Variants in COX16 observed in about 807,000 individuals in gnomAD.
COX16 encodes cytochrome c oxidase assembly protein COX16 homolog, mitochondrial.
COX16 carries 12 observed loss-of-function variants against 15.4 expected under a neutral mutation model. The observed-to-expected ratio is 0.78, with a 90% CI of 0.50 to 1.26. COX16 has a LOEUF of 1.26. COX16 is among the 50% of genes most tolerant of loss of function. COX16 has a pLI of 0.00. For missense variants in COX16, 124 were observed against 127.6 expected (o/e 0.97, Z 0.14); for synonymous variants, 46 against 41.1 (o/e 1.12, Z -0.46).
chr14:70,351,336 TAATA>T (rs77012291), intron 1 of COX16, among the ~76,000 whole-genome samples: 11,366 of 152,204 alleles, frequency 0.075, 482 homozygotes, highest in Middle Eastern at 0.12. Flanking sequence ...AATATTTTAT[TAATA>T]AATACACACA....
At chr14:70,348,336 C>A (rs916398956) in intron 1 of COX16, among the ~76,000 whole-genome samples, 2 of 152,190 alleles carry the variant, frequency 1.3e-5, no homozygotes, top group Non-Finnish European at 2.9e-5. Context: ...TTCATAGAAA[C>A]CCCCCAAATC....
chr14:70,338,435 A>G (rs934095754), intron 2 of COX16, among the ~76,000 whole-genome samples: 9 of 152,008 alleles, frequency 5.9e-5, no homozygotes, highest in Admixed American at 1.3e-4. Context: ...TTGAAAGTCA[A>G]TTTTTTCTAA....
intron 1 of COX16, chr14:70,359,278 C>G (rs529470896): frequency 6.5e-6 from 4 of 614,626 alleles, no homozygotes; most frequent in South Asian, 6.1e-5. Flanking sequence ...GCCACGCTCA[C>G]AAGCAGACAG....
chr14:70,339,420 A>G (rs1045432090), intron 2 of COX16, among the ~76,000 whole-genome samples: 1 of 152,200 alleles, frequency 6.6e-6, no homozygotes, highest in Non-Finnish European at 1.5e-5. Flanking sequence ...CTGGGATGCC[A>G]AACTTTCAGT....
At chr14:70,328,097 T>TTTTTTTTTTTA (rs1886149105) in intron 3 of COX16, 1 of 116,036 alleles carries the variant, frequency 8.6e-6, no homozygotes, top group Non-Finnish European at 1.9e-5. Flanking sequence ...TTTTTTTTTT[T>TTTTTTTTTTTA]GAGACGGAGT....
In COX16 at chr14:70,352,075, T is replaced by G. The variant is rs116369944; in HGVS notation, c.69+7444A>C. Reference sequence around the variant, plus strand: ...AGTGTGGTAAATTTCATGTGATTTCTTTTTTCTTTTGAAAAACCTGGCAAT... The same window carrying G: ...AGTGTGGTAAATTTCATGTGATTTCGTTTTTCTTTTGAAAAACCTGGCAAT... On this transcript the variant is annotated intron_variant, in intron 1 of 3. Transcript: ENST00000389912. 9.0e-3 allele frequency among the ~76,000 whole-genome samples: 1,365 copies of G among 152,334 alleles called. 32 individuals are homozygous for G. The highest frequency in any genetic ancestry group is 0.031 in the African/African-American group (1,301 of 41,578).
chr14:70,352,898 T>C (rs771853121), intron 1 of COX16, among the ~76,000 whole-genome samples: 1 of 152,026 alleles, frequency 6.6e-6, no homozygotes, highest in African/African-American at 2.4e-5. Flanking sequence ...AAAAAAGAAA[T>C]CTCATGAAAT....
intron 2 of COX16, among the ~76,000 whole-genome samples, chr14:70,331,415 GAAA>G (rs200798970): frequency 6.6e-6 from 1 of 151,514 alleles, no homozygotes; most frequent in Non-Finnish European, 1.5e-5. Context: ...AAAATAGTAG[GAAA>G]AAAACCCAAT....
chr14:70,353,790 G>A (rs960998228), intron 1 of COX16, among the ~76,000 whole-genome samples: 5 of 152,046 alleles, frequency 3.3e-5, no homozygotes, highest in African/African-American at 1.2e-4. Context: ...TGGGATTACA[G>A]GCGTGAGCCA....
In COX16 at chr14:70,351,721, G is replaced by C. The variant is rs369775820; in HGVS notation, c.69+7798C>G. Reference sequence around the variant, plus strand: ...TATATGGTATTCCATTATAAAAACAGAACACAGTTTATTTACTCATTCTCT... The same window carrying C: ...TATATGGTATTCCATTATAAAAACACAACACAGTTTATTTACTCATTCTCT... On this transcript the variant is annotated intron_variant, in intron 1 of 3. Coordinates refer to ENST00000389912, the MANE Select transcript of COX16 (RefSeq NM_016468.7). Among the ~76,000 whole-genome samples the C allele has an allele frequency of 1.6e-4, 24 of 152,208 alleles. No homozygotes were observed. The East Asian group carries it at 4.6e-3, about 29-fold the overall frequency.
At chr14:70,343,328 C>G (rs1886678078) in intron 1 of COX16, among the ~76,000 whole-genome samples, 1 of 152,210 alleles carries the variant, frequency 6.6e-6, no homozygotes, top group African/African-American at 2.4e-5. Flanking sequence ...GCTCTCTCAA[C>G]TTCTGGTTCT....
intron 2 of COX16, among the ~76,000 whole-genome samples, chr14:70,330,519 A>G (rs1886248989): frequency 6.6e-6 from 1 of 152,200 alleles, no homozygotes; most frequent in Admixed American, 6.5e-5. Context: ...ATTTCACAAG[A>G]AAATAAAAAT....
chr14:70,346,368 C>T (rs751699876), intron 1 of COX16, among the ~76,000 whole-genome samples: 2 of 152,248 alleles, frequency 1.3e-5, no homozygotes, highest in Admixed American at 6.5e-5. Context: ...CACACGGAAG[C>T]CTCCTAGCAA....
At chr14:70,336,251 G>A (rs977077165) in intron 2 of COX16, among the ~76,000 whole-genome samples, 10 of 144,594 alleles carry the variant, frequency 6.9e-5, no homozygotes, top group Non-Finnish European at 1.2e-4. Flanking sequence ...GTGAGACTTC[G>A]TCTCAAAAAA....
chr14:70,332,498 G>T (rs1241267493), intron 2 of COX16, among the ~76,000 whole-genome samples: 1 of 152,206 alleles, frequency 6.6e-6, no homozygotes, highest in Non-Finnish European at 1.5e-5. Context: ...TCCCAGGGGG[G>T]CCCAGTCTCA....
At chr14:70,333,279 C>G (rs1264651801) in intron 2 of COX16, among the ~76,000 whole-genome samples, 2 of 152,120 alleles carry the variant, frequency 1.3e-5, no homozygotes, top group Non-Finnish European at 2.9e-5. Context: ...TGTAATCTTT[C>G]AGACAAAAAA....
At chr14:70,357,941 A>G (rs1055546081) in intron 1 of COX16, among the ~76,000 whole-genome samples, 2 of 152,276 alleles carry the variant, frequency 1.3e-5, no homozygotes, top group Non-Finnish European at 2.9e-5. Flanking sequence ...AAGCGTGTAC[A>G]TAAATGTTCA....
chr14:70,333,066 G>A (rs1171615124), intron 2 of COX16, among the ~76,000 whole-genome samples: 2 of 152,234 alleles, frequency 1.3e-5, no homozygotes, highest in Non-Finnish European at 2.9e-5. Context: ...ACAACAGTCA[G>A]TGTGCTTAGA....
At chr14:70,353,760 G>A (rs546547377) in intron 1 of COX16, among the ~76,000 whole-genome samples, 2 of 152,158 alleles carry the variant, frequency 1.3e-5, no homozygotes, top group African/African-American at 4.8e-5. Context: ...TGATCCACCT[G>A]CCTCAGCCTC....
Sources: gnomAD v4.1 joint callset for allele counts (sites outside exome capture counted in the v4.1 genomes callset) on GRCh38, gnomAD v4.1.1 for gene constraint, MANE v1.5 for transcripts, NCBI Gene and HGNC (gene_info 2026-07-23, HGNC 2026-07-21) for gene names.